PCOLCE2: variants seen among roughly 807,000 people sequenced by gnomAD.
PCOLCE2 encodes the protein procollagen C-proteinase enhancer 2.
A neutral mutation model predicts 47.0 loss-of-function variants in PCOLCE2; 42 were observed. The ratio of observed to expected loss-of-function variants is 0.89; its 90% CI spans 0.70 to 1.16. The LOEUF (loss-of-function observed/expected upper bound fraction) is 1.16. PCOLCE2 is among the 50% of genes most tolerant of loss of function. The pLI, the probability that PCOLCE2 is intolerant of heterozygous loss-of-function variation, is 0.00. For synonymous variants in PCOLCE2, 169 were observed against 191.7 expected, an observed-to-expected ratio of 0.88 and a Z score of 0.98; for missense variants, 500 against 526.1, an observed-to-expected ratio of 0.95 and a Z score of 0.49.
At position 142,818,362 on chromosome 3, in the gene PCOLCE2, C is replaced by G. The variant is rs1462887962; in HGVS notation, c.1221G>C (p.Leu407=). 1.2e-6 allele frequency: 2 copies of G among 1,613,628 alleles called. No individual in the cohort carries two copies. The highest frequency in any genetic ancestry group is 1.7e-6 in the Non-Finnish European group (2 of 1,179,764). Reference sequence around the variant, plus strand: ...AACATTGCTTATTTTTTAAGGCATCCAGGAGCTTCTGATTCTTGGTCTTGA... The same window carrying G: ...AACATTGCTTATTTTTTAAGGCATCGAGGAGCTTCTGATTCTTGGTCTTGA... The part of the protein sequence containing the change: ...MMFKTKNQKL[L]DALKNKQC Residue 407 remains leucine (L), a synonymous_variant, in exon 9 of 9, where the codon CTG becomes CTC. Coordinates refer to ENST00000295992, the MANE Select transcript of PCOLCE2 (RefSeq NM_013363.4).
At chr3:142,846,158 T>C (rs564880946) in intron 3 of PCOLCE2, among the ~76,000 whole-genome samples, 1 of 152,326 alleles carries the variant, frequency 6.6e-6, no homozygotes, top group African/African-American at 2.4e-5. Context: ...TTTTTATTTG[T>C]CCTGTGGAGT....
chr3:142,888,843 G>C lies in PCOLCE2; in HGVS notation c.54C>G (p.Thr18=), dbSNP rs1249758324. The C allele has an allele frequency of 6.5e-7, 1 of 1,546,406 alleles. No individual in the cohort carries two copies. Among genetic ancestry groups the C allele is most frequent in the Non-Finnish European group, 8.7e-7 (1 of 1,148,982 alleles). Residue 18 remains threonine (T), a synonymous_variant, in exon 1 of 9, where the codon ACC becomes ACG. Transcript: ENST00000295992. ...CTGGGGACTGCTGCCGCGAGAGCTG[G>C]GTGGCGGCAGCCAGCAGCAGGCAGA... ...APLCLLLAAA[T]QLSRQQSPER...
intron 2 of PCOLCE2, among the ~76,000 whole-genome samples, chr3:142,872,175 C>T (rs984852520): frequency 2.0e-5 from 3 of 152,196 alleles, no homozygotes; most frequent in Non-Finnish European, 4.4e-5. Flanking sequence ...TACCAACACC[C>T]TCCACACCTC....
At chr3:142,885,335 C>G (rs1269448315) in intron 2 of PCOLCE2, among the ~76,000 whole-genome samples, 1 of 152,210 alleles carries the variant, frequency 6.6e-6, no homozygotes, top group Non-Finnish European at 1.5e-5. Flanking sequence ...TTAAGGACCA[C>G]TCTGAGGCTT....
chr3:142,861,974 G>A (rs922921034), intron 2 of PCOLCE2, among the ~76,000 whole-genome samples: 4 of 152,184 alleles, frequency 2.6e-5, no homozygotes, highest in African/African-American at 9.7e-5. Flanking sequence ...AGGGAAAGAG[G>A]TGGGGCCGGG....
intron 2 of PCOLCE2, among the ~76,000 whole-genome samples, chr3:142,883,684 A>G (rs1210093005): frequency 3.3e-5 from 5 of 149,318 alleles, no homozygotes; most frequent in Non-Finnish European, 6.0e-5. Flanking sequence ...CTCCCAACGT[A>G]TGTCTACTTT....
intron 7 of PCOLCE2, among the ~76,000 whole-genome samples, chr3:142,821,483 G>A (rs922895941): frequency 6.6e-6 from 1 of 152,124 alleles, no homozygotes; most frequent in East Asian, 1.9e-4. Context: ...CTTTGTGTCG[G>A]TGTGGGTGTG....
At chr3:142,870,570 T>C (rs750851981) in intron 2 of PCOLCE2, among the ~76,000 whole-genome samples, 5 of 152,180 alleles carry the variant, frequency 3.3e-5, no homozygotes, top group Non-Finnish European at 5.9e-5. Flanking sequence ...TTATTTTCAA[T>C]GTAAAATTGT....
At chr3:142,845,823 A>G (rs886583597) in intron 3 of PCOLCE2, among the ~76,000 whole-genome samples, 1 of 152,154 alleles carries the variant, frequency 6.6e-6, no homozygotes. Context: ...AAAAATAGAA[A>G]AATTAGCCAG....
At chr3:142,877,220 C>G (rs1310439080) in intron 2 of PCOLCE2, among the ~76,000 whole-genome samples, 2 of 152,124 alleles carry the variant, frequency 1.3e-5, no homozygotes, top group Admixed American at 6.5e-5. Flanking sequence ...ATGGAATGCC[C>G]TTGGTTGATG....
At chr3:142,881,619 G>T (rs1280200465) in intron 2 of PCOLCE2, among the ~76,000 whole-genome samples, 2 of 152,110 alleles carry the variant, frequency 1.3e-5, no homozygotes, top group Non-Finnish European at 2.9e-5. Flanking sequence ...TGTACAGCAT[G>T]TTCCTGTACT....
rs761025963 is a variant in PCOLCE2 at position 142,842,962 on chromosome 3, C to T, written c.535G>A (p.Val179Ile). Residue 179 changes from valine to isoleucine, a missense_variant, in exon 4 of 9, where the codon GTC becomes ATC. Coordinates refer to ENST00000295992, the MANE Select transcript of PCOLCE2 (RefSeq NM_013363.4). This position sits in a 1 kb window ranked among gnomAD's most constrained non-coding sequence, Gnocchi z 4.1. ...GCTACAATGTGCCACACACAAGTGA[C>T]TCCTGCAGGGTAATCCCGGTCTGGC... ...NWPDRDYPAG[V>I]TCVWHIVAPK... 3 of 1,613,984 alleles carry T rather than the reference C, an allele frequency of 1.9e-6. No individual in the cohort carries two copies. The East Asian group carries it at 6.7e-5, about 36-fold the overall frequency.
At position 142,829,521 on chromosome 3, in the gene PCOLCE2, T is replaced by G. The variant is rs564930230; in HGVS notation, c.865+171A>C. ...AAAAACTATTAGCTTACAAGCATTC[T>G]TACACCCCATACCTTTCTTTCATTA... On this transcript the variant is annotated intron_variant, in intron 6 of 8. Coordinates refer to ENST00000295992, the MANE Select transcript of PCOLCE2 (RefSeq NM_013363.4). Among the ~76,000 whole-genome samples, 4 of 152,372 alleles carry G rather than the reference T, an allele frequency of 2.6e-5. No individual in the cohort carries two copies. In the East Asian group the frequency reaches 7.7e-4, roughly 29 times the overall value.
At chr3:142,848,169 C>G (rs781546293) in intron 3 of PCOLCE2, 48 bp downstream of exon 3, 3 of 1,584,908 alleles carry the variant, frequency 1.9e-6, no homozygotes, top group Admixed American at 1.7e-5. Context: ...GTGCCAAGAA[C>G]AGTGAACCAA....
At chr3:142,877,852 A>G (rs1398360610) in intron 2 of PCOLCE2, among the ~76,000 whole-genome samples, 1 of 152,118 alleles carries the variant, frequency 6.6e-6, no homozygotes, top group Non-Finnish European at 1.5e-5. Flanking sequence ...CCCATTCAGG[A>G]ATGTGATTTT....
chr3:142,858,871 G>A (rs536081913), intron 2 of PCOLCE2, among the ~76,000 whole-genome samples: 3 of 152,118 alleles, frequency 2.0e-5, no homozygotes, highest in South Asian at 2.1e-4. Flanking sequence ...TCAATTCTCC[G>A]GAAGTTGTCA....
chr3:142,857,484 C>CT (rs1394066782), intron 2 of PCOLCE2, among the ~76,000 whole-genome samples: 9 of 152,156 alleles, frequency 5.9e-5, no homozygotes, highest in African/African-American at 2.2e-4. Context: ...AAGTGAAGCT[C>CT]TACCAAGCCC....
chr3:142,829,371 T>C (rs1363206765), intron 6 of PCOLCE2, among the ~76,000 whole-genome samples: 1 of 151,728 alleles, frequency 6.6e-6, no homozygotes, highest in Admixed American at 6.6e-5. Context: ...CACAATTCTA[T>C]GTAATAAAAA....
chr3:142,870,075 T>C (rs577409472), intron 2 of PCOLCE2, among the ~76,000 whole-genome samples: 3 of 152,252 alleles, frequency 2.0e-5, no homozygotes, highest in Non-Finnish European at 4.4e-5. Context: ...TTTTAACATA[T>C]GTCAATCTGT....
Sources: allele counts gnomAD v4.1 joint callset (sites outside exome capture counted in the v4.1 genomes callset), GRCh38; gene constraint gnomAD v4.1.1; non-coding constraint Gnocchi (gnomAD v3.1); transcripts MANE v1.5; gene names NCBI Gene and HGNC (gene_info 2026-07-23, HGNC 2026-07-21).